The following TCL1A variants were observed in gnomAD, a reference collection of about 807,000 sequenced individuals.
The protein encoded by TCL1A is T-cell leukemia/lymphoma protein 1A.
TCL1A carries 9 observed loss-of-function variants against 16.9 expected under a neutral mutation model. That is an observed-to-expected ratio of 0.53 (90% confidence interval 0.32 to 0.93). TCL1A has a LOEUF of 0.93. TCL1A is among the 40% of genes least tolerant of loss of function. TCL1A has a pLI of 0.04. For missense variants in TCL1A, 139 were observed against 153.0 expected (o/e 0.91, Z 0.48); for synonymous variants, 69 against 63.2 (o/e 1.09, Z -0.44).
chr14:95,713,882 A>G (rs2139724034), intron 1 of TCL1A, 65 bp downstream of exon 1: 3 of 1,597,194 alleles, frequency 1.9e-6, no homozygotes, highest in South Asian at 1.1e-5. Context: ...CGCCCTTCCT[A>G]GGGCATCCCA....
At chr14:95,713,515 C>T (rs190390831) in intron 1 of TCL1A, among the ~76,000 whole-genome samples, 1 of 152,182 alleles carries the variant, frequency 6.6e-6, no homozygotes, top group African/African-American at 2.4e-5. Context: ...ATACTTCACA[C>T]TCTAGGCCAG....
rs769015153 is a variant in TCL1A at position 95,712,289 on chromosome 14, C to T, written c.228G>A (p.Trp76Ter). 1 of 1,614,182 alleles carries T rather than the reference C, an allele frequency of 6.2e-7. No individual in the cohort carries two copies. Among genetic ancestry groups the T allele is most frequent in the Non-Finnish European group, 8.5e-7 (1 of 1,180,038 alleles). Reference protein sequence around the residue: ...QIGPSLLPIMWQLYPDGRYRS... With the variant: ...QIGPSLLPIM ...GGTATCGTCCATCAGGGTAGAGCTG[C>T]CACATGATAGGCAGCAGGCTTGGGC... The change falls in exon 2 of 4, where the codon TGG becomes TGA. Residue 76 changes from tryptophan to a stop codon, truncating the protein, a stop_gained. Transcript: ENST00000402399. LOFTEE classifies it high-confidence loss of function.
chr14:95,713,943 G>T lies in TCL1A; in HGVS notation c.120+4C>A, dbSNP rs762444739. The T allele has an allele frequency of 6.2e-7, 1 of 1,613,428 alleles. No individual in the cohort carries two copies. The highest frequency in any genetic ancestry group is 8.5e-7 in the Non-Finnish European group (1 of 1,180,004). ...CTCGCCATCCGCTCCAAAGCTGGCT[G>T]TACCTCGATGGTTAAGGGCAGCCAG... is the stretch of plus-strand genomic sequence containing the variant. On this transcript the variant is annotated splice_donor_region_variant and intron_variant, in intron 1 of 3. Transcript: ENST00000402399.
intron 1 of TCL1A, among the ~76,000 whole-genome samples, chr14:95,713,414 A>T (rs1226770621): frequency 2.0e-5 from 3 of 152,188 alleles, no homozygotes; most frequent in Middle Eastern, 6.3e-3. Context: ...ATCACACATT[A>T]AAAAAGTCAA....
chr14:95,710,528 T>G lies in TCL1A; in HGVS notation c.*360A>C, dbSNP rs1167061365. ...TCACAAGTTCACGGAGCTGAGTGGGTGTGCAACATGAAATACTAGTGCTGT... is the reference window on the plus strand; with the variant it reads ...TCACAAGTTCACGGAGCTGAGTGGGGGTGCAACATGAAATACTAGTGCTGT... On this transcript the variant is annotated 3_prime_UTR_variant, in exon 4 of 4. Transcript: ENST00000402399. 3 of 152,556 alleles carry G rather than the reference T, an allele frequency of 2.0e-5. No homozygotes were observed. Among genetic ancestry groups the G allele is most frequent in the Admixed American group, 6.5e-5 (1 of 15,274 alleles). The allele number at this position is 152,556 out of a possible 1,614,324, so 9.5% of individuals were successfully genotyped here.
At chr14:95,713,765 C>A (rs929749369) in intron 1 of TCL1A, among the ~76,000 whole-genome samples, 182 bp downstream of exon 1, 1 of 152,182 alleles carries the variant, frequency 6.6e-6, no homozygotes, top group African/African-American at 2.4e-5. Context: ...GTTTTCCCAC[C>A]CTTCTTCCCT....
intron 3 of TCL1A, 84 bp downstream of exon 3, chr14:95,711,665 C>T: frequency 6.6e-7 from 1 of 1,506,252 alleles, no homozygotes. Flanking sequence ...GAGGGGTTAG[C>T]ACTGCCTTCA....
chr14:95,711,245 G>A (rs956265139), intron 3 of TCL1A, among the ~76,000 whole-genome samples: 6 of 150,144 alleles, frequency 4.0e-5, no homozygotes, highest in African/African-American at 1.5e-4. Context: ...AGATCATGAG[G>A]TCAGGAGATC....
At chr14:95,713,873 G>A in intron 1 of TCL1A, 74 bp downstream of exon 1, 3 of 1,588,190 alleles carry the variant, frequency 1.9e-6, no homozygotes, top group Non-Finnish European at 1.7e-6. Flanking sequence ...TTGAGTCCTC[G>A]CCCTTCCTAG....
At chr14:95,711,624 C>T in intron 3 of TCL1A, 125 bp downstream of exon 3, 2 of 1,142,380 alleles carry the variant, frequency 1.8e-6, no homozygotes, top group Non-Finnish European at 2.5e-6. Flanking sequence ...CCTCTCCCAT[C>T]CCTAGGGACC....
intron 1 of TCL1A, among the ~76,000 whole-genome samples, chr14:95,713,516 T>C (rs964804914): frequency 6.6e-6 from 1 of 152,192 alleles, no homozygotes. Context: ...TACTTCACAC[T>C]CTAGGCCAGT....
intron 1 of TCL1A, chr14:95,712,782 A>G: frequency 2.9e-6 from 1 of 350,238 alleles, no homozygotes; most frequent in Non-Finnish European, 4.5e-6. Flanking sequence ...TATCTACAGG[A>G]AAAAAAAAAA....
rs745436032 is a variant in TCL1A at position 95,712,273 on chromosome 14, C to T, written c.244G>A (p.Gly82Arg). The T allele has an allele frequency of 1.2e-6, 2 of 1,613,998 alleles. No individual in the cohort carries two copies. Among genetic ancestry groups the T allele is most frequent in the African/African-American group, 1.3e-5 (1 of 74,896 alleles). Residue 82 changes from glycine (G) to arginine (R), a missense_variant, in exon 2 of 4, where the codon GGA (glycine) becomes AGA (arginine). Coordinates refer to ENST00000402399, the MANE Select transcript of TCL1A (RefSeq NM_021966.3). ...CTGGAGTCTGAGGATCGGTATCGTC[C>T]ATCAGGGTAGAGCTGCCACATGATA... ...LPIMWQLYPD[G>R]RYRSSDSSFW... is the part of the protein sequence containing the mutation.
At position 95,712,100 on chromosome 14, in the gene TCL1A, T is replaced by C. The variant is rs113750717; in HGVS notation, c.297+120A>G. 1.1e-4 allele frequency: 138 copies of C among 1,272,748 alleles called. No individual in the cohort carries two copies. In the African/African-American group the frequency reaches 1.8e-3, roughly 17 times the overall value. The allele number at this position is 1,272,748 out of a possible 1,614,324, so 78.8% of individuals were successfully genotyped here. On this transcript the variant is annotated intron_variant, in intron 2 of 3. Coordinates refer to ENST00000402399, the MANE Select transcript of TCL1A (RefSeq NM_021966.3). ...TCCTTTAGAAATCTGCACTTGTACA[T>C]TTCCCCCATTTTTTAATGCTTTTGG... is the stretch of plus-strand genomic sequence containing the variant.
rs780310562 is a variant in TCL1A at position 95,713,937 on chromosome 14, C to G, written c.120+10G>C. On this transcript the variant is annotated intron_variant, in intron 1 of 3. Coordinates refer to ENST00000402399, the MANE Select transcript of TCL1A (RefSeq NM_021966.3). The stretch of plus-strand genomic sequence containing the variant: ...TGCTGCCTCGCCATCCGCTCCAAAG[C>G]TGGCTGTACCTCGATGGTTAAGGGC... 1.9e-6 allele frequency: 3 copies of G among 1,613,232 alleles called. No homozygotes were observed. The highest frequency in any genetic ancestry group is 1.7e-5 in the Admixed American group (1 of 60,030).
At chr14:95,712,704 G>T in intron 1 of TCL1A, 1 of 1,349,098 alleles carries the variant, frequency 7.4e-7, no homozygotes, top group Non-Finnish European at 9.7e-7. Flanking sequence ...TGCTTTGGAA[G>T]GCAGAGGCAG....
At chr14:95,711,467 C>CAAAAA (rs1305960722) in intron 3 of TCL1A, 26 of 252,772 alleles carry the variant, frequency 1.0e-4, no homozygotes, top group African/African-American at 6.6e-4. Flanking sequence ...AGACTCATCT[C>CAAAAA]AAAAAAAAAA....
chr14:95,711,688 G>A, intron 3 of TCL1A, 61 bp downstream of exon 3: 1 of 1,578,006 alleles, frequency 6.3e-7, no homozygotes, highest in Non-Finnish European at 8.7e-7. Flanking sequence ...GAGAAGGGGT[G>A]GTCTTTCTTT....
In TCL1A at chr14:95,714,044, C is replaced by A; in HGVS notation, c.23G>T (p.Gly8Val). The A allele has an allele frequency of 1.2e-6, 2 of 1,614,056 alleles. No homozygotes were observed. The highest frequency in any genetic ancestry group is 1.7e-6 in the Non-Finnish European group (2 of 1,180,030). The change falls in exon 1 of 4, where the codon GGG becomes GTG. Residue 8 changes from glycine (G) to valine (V), a missense_variant. Physicochemically the swap from Gly to Val is moderately radical, Grantham distance 109. This residue lies in a region of TCL1A where 94 missense variants were observed against 80.2 expected (regional missense o/e 1.17). Coordinates refer to ENST00000402399, the MANE Select transcript of TCL1A (RefSeq NM_021966.3). ...GTCCGGGTGGTCGGTGACTGCCTCCCCGAGTGTCGGGCACTCGGCCATGGC... is the reference window on the plus strand; with the variant it reads ...GTCCGGGTGGTCGGTGACTGCCTCCACGAGTGTCGGGCACTCGGCCATGGC... The part of the protein sequence containing the change: MAECPTL[G>V]EAVTDHPDRL...
Sources: allele counts gnomAD v4.1 joint callset (sites outside exome capture counted in the v4.1 genomes callset), GRCh38; gene constraint gnomAD v4.1.1; regional missense constraint gnomAD v4.1.1; transcripts MANE v1.5; gene names NCBI Gene and HGNC (gene_info 2026-07-23, HGNC 2026-07-21).